NRCAM: variants seen among roughly 807,000 people sequenced by gnomAD.
The protein encoded by NRCAM is neuronal cell adhesion molecule.
NRCAM carries 83 observed loss-of-function variants against 156.5 expected under a neutral mutation model. The ratio of observed to expected loss-of-function variants is 0.53; its 90% CI spans 0.44 to 0.64. The LOEUF is 0.64. Among genes scored for constraint, NRCAM ranks in the 30% least tolerant of loss-of-function variants. The pLI is 0.00. For synonymous variants in NRCAM, 538 were observed against 563.9 expected, an observed-to-expected ratio of 0.95 and a Z score of 0.65; for missense variants, 1,417 against 1,597.3, an observed-to-expected ratio of 0.89 and a Z score of 1.92.
chr7:108,192,814 A>G (rs2072816451), intron 17 of NRCAM, among the ~76,000 whole-genome samples: 1 of 152,212 alleles, frequency 6.6e-6, no homozygotes, highest in Non-Finnish European at 1.5e-5. Flanking sequence ...TTGCTTTATC[A>G]CTAGAAACAG....
At chr7:108,329,713 A>T (rs951768336) in intron 2 of NRCAM, among the ~76,000 whole-genome samples, 1 of 152,146 alleles carries the variant, frequency 6.6e-6, no homozygotes, top group African/African-American at 2.4e-5. Flanking sequence ...CATGTAACCT[A>T]ATCTCCTTCA....
chr7:108,219,028 T>A (rs1244201056), intron 11 of NRCAM, among the ~76,000 whole-genome samples: 1 of 152,092 alleles, frequency 6.6e-6, no homozygotes, highest in Non-Finnish European at 1.5e-5. Context: ...AAGGGAGATA[T>A]TACAACTGAC....
chr7:108,154,037 C>G (rs1290601564), intron 32 of NRCAM, among the ~76,000 whole-genome samples: 1 of 152,142 alleles, frequency 6.6e-6, no homozygotes, highest in African/African-American at 2.4e-5. Context: ...AACAGCTCAG[C>G]AGGTTTTTAT....
chr7:108,298,512 G>A (rs1005984252), intron 3 of NRCAM, among the ~76,000 whole-genome samples: 3 of 151,682 alleles, frequency 2.0e-5, no homozygotes, highest in African/African-American at 4.8e-5. Flanking sequence ...AATTAGCCGG[G>A]TGTGGTGCTG....
intron 2 of NRCAM, among the ~76,000 whole-genome samples, chr7:108,378,285 CA>C (rs1448275018): frequency 3.3e-5 from 5 of 151,600 alleles, no homozygotes; most frequent in Non-Finnish European, 5.9e-5. Context: ...GAAAAAGAAC[CA>C]AATAGAACTT....
chr7:108,264,052 A>C (rs182515059), intron 3 of NRCAM, among the ~76,000 whole-genome samples: 4 of 152,200 alleles, frequency 2.6e-5, no homozygotes. Context: ...GTCTTGGCTC[A>C]CTGCAACCTC....
intron 3 of NRCAM, among the ~76,000 whole-genome samples, chr7:108,283,893 T>C (rs559306837): frequency 6.6e-6 from 1 of 152,320 alleles, no homozygotes; most frequent in African/African-American, 2.4e-5. Context: ...TTGCCCAGGC[T>C]GGAGTGCAGT....
rs2097353321 is a variant in NRCAM at position 108,271,606 on chromosome 7, T to C, written c.-106-31436A>G. Among the ~76,000 whole-genome samples the C allele has an allele frequency of 3.3e-5, 5 of 151,938 alleles. 1 individual carries two copies. In the South Asian group the frequency reaches 1.0e-3, roughly 32 times the overall value. ...TACTTGGGAGGCCGAGGCAGGAGAA[T>C]TGCTTGAACCTGGGAGGCAGAGGTT... On this transcript the variant is annotated intron_variant, in intron 3 of 32. Coordinates refer to ENST00000379028, the MANE Select transcript of NRCAM (RefSeq NM_001037132.4).
chr7:108,166,302 C>T (rs2054162122), intron 30 of NRCAM, among the ~76,000 whole-genome samples: 1 of 147,326 alleles, frequency 6.8e-6, no homozygotes, highest in Admixed American at 6.9e-5. Flanking sequence ...GGCTAGAGAG[C>T]AATGGCGCAA....
chr7:108,390,856 G>A (rs1487730394), intron 2 of NRCAM, among the ~76,000 whole-genome samples: 4 of 152,340 alleles, frequency 2.6e-5, no homozygotes, highest in East Asian at 3.9e-4. Flanking sequence ...GGAGCAGGTT[G>A]TTCAGTTTCC....
chr7:108,178,959 A>G (rs2062082441), intron 25 of NRCAM, among the ~76,000 whole-genome samples: 1 of 151,968 alleles, frequency 6.6e-6, no homozygotes, highest in Admixed American at 6.6e-5. Flanking sequence ...TCTAAATCAT[A>G]TCCATTTCTT....
At chr7:108,155,274 A>C (rs981397093) in intron 32 of NRCAM, among the ~76,000 whole-genome samples, 1 of 151,766 alleles carries the variant, frequency 6.6e-6, no homozygotes, top group African/African-American at 2.4e-5. Context: ...ATCAGACATT[A>C]ATTATTAGTT....
At chr7:108,206,678 G>A (rs1161072623) in intron 13 of NRCAM, among the ~76,000 whole-genome samples, 1 of 152,164 alleles carries the variant, frequency 6.6e-6, no homozygotes, top group Non-Finnish European at 1.5e-5. Flanking sequence ...GCAGTGAGGT[G>A]CAACATCCAT....
chr7:108,247,434 G>A (rs116440823), intron 3 of NRCAM, among the ~76,000 whole-genome samples: 2,279 of 152,048 alleles, frequency 0.015, 47 homozygotes, highest in African/African-American at 0.046. Flanking sequence ...TATCCTTTTT[G>A]GTTTTTCTAG....
chr7:108,172,453 G>A (rs746017981), intron 28 of NRCAM, among the ~76,000 whole-genome samples: 1 of 151,944 alleles, frequency 6.6e-6, no homozygotes, highest in Non-Finnish European at 1.5e-5. Context: ...GTACTACCAC[G>A]CCTGGCTAAT....
chr7:108,184,620 C>A lies in NRCAM; in HGVS notation c.2036-6G>T. ...TTCATATTCGATGATGAATTCTGGT[C>A]ACGACACACACACACCAAACCCAAG... On this transcript the variant is annotated splice_polypyrimidine_tract_variant and splice_region_variant and intron_variant, in intron 20 of 32. Coordinates refer to ENST00000379028, the MANE Select transcript of NRCAM (RefSeq NM_001037132.4). 7 of 1,609,988 alleles carry A rather than the reference C, an allele frequency of 4.3e-6. No individual in the cohort carries two copies. In the South Asian group the frequency reaches 7.7e-5, roughly 18 times the overall value.
chr7:108,337,207 G>A, intron 2 of NRCAM, among the ~76,000 whole-genome samples: 1 of 150,508 alleles, frequency 6.6e-6, no homozygotes, highest in Non-Finnish European at 1.5e-5. Flanking sequence ...AGGTTGCAGT[G>A]AGCTGAGACT....
intron 32 of NRCAM, among the ~76,000 whole-genome samples, chr7:108,152,275 C>A (rs2042103556): frequency 6.6e-6 from 1 of 151,972 alleles, no homozygotes; most frequent in South Asian, 2.1e-4. Flanking sequence ...ATCTGGTCAA[C>A]AACTTTAAAA....
At chr7:108,197,866 T>C in intron 14 of NRCAM, 90 bp downstream of exon 14, 1 of 965,376 alleles carries the variant, frequency 1.0e-6, no homozygotes, top group Non-Finnish European at 1.5e-6. Context: ...TTGCACATAG[T>C]AGATGCTCAA....
Sources: allele counts gnomAD v4.1 joint callset (sites outside exome capture counted in the v4.1 genomes callset), GRCh38; gene constraint gnomAD v4.1.1; transcripts MANE v1.5; gene names NCBI Gene and HGNC (gene_info 2026-07-23, HGNC 2026-07-21).